The following PHF21B variants were observed in gnomAD, a reference collection of about 807,000 sequenced individuals.
PHF21B encodes PHD finger protein 21B.
Under a neutral mutation model 62.2 loss-of-function variants are expected in PHF21B, and 22 were observed. That is an observed-to-expected ratio of 0.35 (90% confidence interval 0.25 to 0.51). The LOEUF is 0.51. Ranked by LOEUF, PHF21B falls within the 20% of genes least tolerant of loss-of-function variation. The pLI is 0.97. For missense variants in PHF21B, 701 were observed against 707.9 expected (o/e 0.99, Z 0.11); for synonymous variants, 341 against 314.7 (o/e 1.08, Z -0.88).
intron 2 of PHF21B, chr22:45,003,264 A>C (rs897534748): frequency 1.3e-5 from 2 of 152,338 alleles, no homozygotes; most frequent in Non-Finnish European, 1.5e-5. Flanking sequence ...GGGAAAAGGC[A>C]GAGGGGAGCT....
rs2070870737 is a variant in PHF21B at position 44,886,982 on chromosome 22, C to T, written c.1197+981G>A. ...CCAGCCTGGCCAACATGGTGAAACC[C>T]CATCTCTACTAAAAATACAAAAAAT... On this transcript the variant is annotated intron_variant, in intron 10 of 12. Coordinates refer to ENST00000313237, the MANE Select transcript of PHF21B (RefSeq NM_138415.5). Among the ~76,000 whole-genome samples, 3 of 151,818 alleles carry T rather than the reference C, an allele frequency of 2.0e-5. No homozygotes were observed. In the South Asian group the frequency reaches 6.2e-4, roughly 32 times the overall value.
chr22:44,958,333 T>C (rs2072344534), intron 2 of PHF21B, among the ~76,000 whole-genome samples: 2 of 152,236 alleles, frequency 1.3e-5, no homozygotes, highest in African/African-American at 2.4e-5. Flanking sequence ...TGGAATTTCA[T>C]GGTGTGCACT....
At chr22:44,998,781 T>C (rs73429720) in intron 2 of PHF21B, among the ~76,000 whole-genome samples, 1,841 of 152,264 alleles carry the variant, frequency 0.012, 50 homozygotes, top group African/African-American at 0.042. Flanking sequence ...GTTAATAAAA[T>C]AGTACTGACA....
intron 2 of PHF21B, among the ~76,000 whole-genome samples, chr22:44,942,734 G>A (rs546778383): frequency 9.2e-5 from 14 of 152,268 alleles, no homozygotes; most frequent in Middle Eastern, 6.8e-3. Context: ...GGGGAGCCAC[G>A]TGGAGGGCAG....
chr22:44,902,402 GT>G, intron 5 of PHF21B: 1 of 268,540 alleles, frequency 3.7e-6, no homozygotes, highest in South Asian at 5.0e-5. Flanking sequence ...GATGAGTGGA[GT>G]TTATCCCTCA....
At chr22:44,970,401 C>T (rs185701064) in intron 2 of PHF21B, among the ~76,000 whole-genome samples, 3 of 152,226 alleles carry the variant, frequency 2.0e-5, no homozygotes. Flanking sequence ...AAAGGCAGCA[C>T]CTGTGCCAGG....
At chr22:44,964,714 C>G (rs1284827400) in intron 2 of PHF21B, among the ~76,000 whole-genome samples, 1 of 152,216 alleles carries the variant, frequency 6.6e-6, no homozygotes, top group Admixed American at 6.5e-5. Flanking sequence ...CATTCATTCA[C>G]TCATTCATTC....
chr22:44,944,746 G>A (rs1486080973), intron 2 of PHF21B, among the ~76,000 whole-genome samples: 1 of 152,228 alleles, frequency 6.6e-6, no homozygotes, highest in Non-Finnish European at 1.5e-5. Flanking sequence ...GAAACAAGCT[G>A]ACCGAGCTCC....
intron 2 of PHF21B, among the ~76,000 whole-genome samples, chr22:44,921,137 C>A (rs1420416466): frequency 1.3e-5 from 2 of 152,184 alleles, no homozygotes; most frequent in African/African-American, 4.8e-5. Flanking sequence ...ACCTGCCCCC[C>A]AAATCCCAGC....
In PHF21B at chr22:44,894,377, A is replaced by G. The variant is rs542989202; in HGVS notation, c.884-844T>C. Among the ~76,000 whole-genome samples, 14 of 152,204 alleles carry G rather than the reference A, an allele frequency of 9.2e-5. No homozygotes were observed. The East Asian group carries it at 2.7e-3, about 29-fold the overall frequency. ...GAAGTTTACAGGCGCAGTTTTCCCC[A>G]TGTTGCAGATGAGAAAACTGAGGTT... On this transcript the variant is annotated intron_variant, in intron 6 of 12. Transcript: ENST00000313237.
intron 2 of PHF21B, among the ~76,000 whole-genome samples, chr22:44,924,867 C>T (rs1414839250): frequency 1.3e-5 from 2 of 152,216 alleles, no homozygotes; most frequent in Non-Finnish European, 2.9e-5. Context: ...ATGTTCACAG[C>T]AGCTCTTGGT....
At chr22:44,990,014 G>T (rs79963625) in intron 2 of PHF21B, among the ~76,000 whole-genome samples, 10,794 of 152,232 alleles carry the variant, frequency 0.071, 434 homozygotes, top group Middle Eastern at 0.14. Context: ...CACGCCGAAG[G>T]GGCCAACGGG....
chr22:44,976,112 A>C (rs1176308431), intron 2 of PHF21B, among the ~76,000 whole-genome samples: 1 of 152,256 alleles, frequency 6.6e-6, no homozygotes, highest in Non-Finnish European at 1.5e-5. Flanking sequence ...CTGAGGCTGC[A>C]GTGGGTCATG....
At chr22:44,895,087 T>C (rs1454251408) in intron 6 of PHF21B, among the ~76,000 whole-genome samples, 2 of 152,214 alleles carry the variant, frequency 1.3e-5, no homozygotes, top group East Asian at 3.9e-4. Context: ...TACCAGGGTA[T>C]GTGCTTTCCC....
chr22:44,947,058 C>T (rs563309623), intron 2 of PHF21B, among the ~76,000 whole-genome samples: 11 of 152,324 alleles, frequency 7.2e-5, no homozygotes, highest in Non-Finnish European at 1.5e-4. Flanking sequence ...CCCTGTTAAA[C>T]GTGAGAAAAC....
chr22:44,890,477 A>G (rs80157630), intron 8 of PHF21B, among the ~76,000 whole-genome samples: 7,532 of 152,250 alleles, frequency 0.049, 303 homozygotes, highest in African/African-American at 0.11. Flanking sequence ...GTGCAGTCAC[A>G]CTCGCCCTTC....
At chr22:44,971,965 A>G (rs534109725) in intron 2 of PHF21B, among the ~76,000 whole-genome samples, 3 of 152,322 alleles carry the variant, frequency 2.0e-5, no homozygotes, top group Admixed American at 6.5e-5. Context: ...AGCAACTCCT[A>G]TCCCTGGGTT....
intron 2 of PHF21B, among the ~76,000 whole-genome samples, chr22:44,956,015 G>A (rs2072289469): frequency 6.6e-6 from 1 of 152,184 alleles, no homozygotes. Flanking sequence ...TTTGTCCTGG[G>A]CACAGCGATG....
intron 9 of PHF21B, among the ~76,000 whole-genome samples, chr22:44,888,567 T>C (rs996332967): frequency 6.6e-6 from 1 of 152,068 alleles, no homozygotes; most frequent in African/African-American, 2.4e-5. Flanking sequence ...CCCCACTGCT[T>C]ATGTGGACAC....
Sources: allele counts gnomAD v4.1 joint callset (sites outside exome capture counted in the v4.1 genomes callset), GRCh38; gene constraint gnomAD v4.1.1; transcripts MANE v1.5; gene names NCBI Gene and HGNC (gene_info 2026-07-23, HGNC 2026-07-21).